DSCAML1: variants seen among roughly 807,000 people sequenced by gnomAD.
The protein encoded by DSCAML1 is cell adhesion molecule DSCAML1.
Under a neutral mutation model 200.5 loss-of-function variants are expected in DSCAML1, and 38 were observed. That is an observed-to-expected ratio of 0.19 (90% CI 0.15 to 0.25). The LOEUF (loss-of-function observed/expected upper bound fraction) is 0.25, where lower values mean the gene tolerates loss of function less well. Ranked by LOEUF, DSCAML1 falls within the 10% of genes least tolerant of loss-of-function variation. The pLI is 1.00. For missense variants in DSCAML1, 2,223 were observed against 2,858.8 expected (o/e 0.78, Z 5.07); for synonymous variants, 1,215 against 1,165.0 (o/e 1.04, Z -0.87).
chr11:117,463,953 G>C lies in DSCAML1; in HGVS notation c.3265+989C>G, dbSNP rs553749543. ...ATTGGTATGAGCGAATCTACTTTCA[G>C]GTGTTTCTGACCTAATGTGTCCACC... On this transcript the variant is annotated intron_variant, in intron 17 of 32. Coordinates refer to ENST00000651296, the MANE Select transcript of DSCAML1 (RefSeq NM_020693.4). This position sits in a 1 kb window ranked among gnomAD's most constrained non-coding sequence, Gnocchi z 4.0. 2.0e-5 allele frequency among the ~76,000 whole-genome samples: 3 copies of C among 152,316 alleles called. No homozygotes were observed. In the South Asian group the frequency reaches 6.2e-4, roughly 32 times the overall value.
intron 3 of DSCAML1, among the ~76,000 whole-genome samples, chr11:117,738,541 G>A (rs757095575): frequency 5.3e-5 from 8 of 152,156 alleles, no homozygotes; most frequent in Non-Finnish European, 1.2e-4. Context: ...CAGACTGCTT[G>A]TGTGTCCATA....
chr11:117,751,793 C>T (rs1386032090), intron 3 of DSCAML1, among the ~76,000 whole-genome samples: 1 of 152,118 alleles, frequency 6.6e-6, no homozygotes, highest in African/African-American at 2.4e-5. Context: ...CAGATATTGA[C>T]CCAGGGCCTT....
chr11:117,629,902 A>G (rs1293637199), intron 3 of DSCAML1, among the ~76,000 whole-genome samples: 1 of 152,190 alleles, frequency 6.6e-6, no homozygotes, highest in African/African-American at 2.4e-5. Flanking sequence ...CAGGAGACTG[A>G]GGCAGGAGTT....
intron 11 of DSCAML1, among the ~76,000 whole-genome samples, chr11:117,497,047 A>G (rs924585232): frequency 6.6e-6 from 1 of 152,204 alleles, no homozygotes; most frequent in South Asian, 2.1e-4. Context: ...CTGAAGCACA[A>G]AAGCCTACAG....
chr11:117,673,430 C>G (rs1243137598), intron 3 of DSCAML1, among the ~76,000 whole-genome samples: 4 of 152,180 alleles, frequency 2.6e-5, no homozygotes, highest in African/African-American at 9.7e-5. Context: ...TTCTTCCCAT[C>G]ATGCTTGAGA....
At chr11:117,596,693 A>G (rs2051367600) in intron 3 of DSCAML1, among the ~76,000 whole-genome samples, 1 of 152,220 alleles carries the variant, frequency 6.6e-6, no homozygotes, top group Non-Finnish European at 1.5e-5. Flanking sequence ...ACAGGGAAAA[A>G]GTAGTGAAAA....
chr11:117,477,705 G>A (rs2048826753), intron 14 of DSCAML1, among the ~76,000 whole-genome samples: 1 of 152,162 alleles, frequency 6.6e-6, no homozygotes, highest in Non-Finnish European at 1.5e-5. Flanking sequence ...ATCCCATGAG[G>A]TAGGCATCAC....
intron 3 of DSCAML1, among the ~76,000 whole-genome samples, chr11:117,592,926 C>T (rs900719005): frequency 2.0e-5 from 3 of 152,266 alleles, no homozygotes; most frequent in African/African-American, 7.2e-5. Flanking sequence ...GGTGTGAACC[C>T]CAACACCACT....
At chr11:117,745,141 C>T (rs1198441566) in intron 3 of DSCAML1, among the ~76,000 whole-genome samples, 2 of 140,140 alleles carry the variant, frequency 1.4e-5, no homozygotes, top group Non-Finnish European at 3.0e-5. Flanking sequence ...TGACAGGCCT[C>T]AGGAGGGTGG....
At chr11:117,751,440 C>T (rs1388452481) in intron 3 of DSCAML1, among the ~76,000 whole-genome samples, 10 of 150,210 alleles carry the variant, frequency 6.7e-5, no homozygotes, top group African/African-American at 2.0e-4. Flanking sequence ...ATAAAATTCA[C>T]GCCAAGTCTC....
chr11:117,469,786 G>C lies in DSCAML1; in HGVS notation c.3024+124C>G. On this transcript the variant is annotated intron_variant, in intron 16 of 32. Transcript: ENST00000651296. This position sits in a 1 kb window ranked among gnomAD's most constrained non-coding sequence, Gnocchi z 4.1. ...TCTCTCAAATCTCACTAGGTTTAGTGACAAAACAGACATGGGCATCATATA... is the reference window on the plus strand; with the variant it reads ...TCTCTCAAATCTCACTAGGTTTAGTCACAAAACAGACATGGGCATCATATA... The C allele has an allele frequency of 2.4e-6, 2 of 849,162 alleles. No individual in the cohort carries two copies. Among genetic ancestry groups the C allele is most frequent in the Non-Finnish European group, 3.4e-6 (2 of 591,016 alleles). The allele number at this position is 849,162 out of a possible 1,614,324, so 52.6% of individuals were successfully genotyped here.
chr11:117,692,594 G>A (rs1478101521), intron 3 of DSCAML1, among the ~76,000 whole-genome samples: 3 of 152,140 alleles, frequency 2.0e-5, no homozygotes, highest in African/African-American at 7.2e-5. Context: ...AGTCATAGCC[G>A]CTATGGTTCT....
intron 14 of DSCAML1, among the ~76,000 whole-genome samples, chr11:117,475,638 T>G (rs1360268954): frequency 6.6e-6 from 1 of 152,230 alleles, no homozygotes; most frequent in Non-Finnish European, 1.5e-5. Context: ...CTGTTGATTT[T>G]AAACCAGAGC....
intron 26 of DSCAML1, 141 bp from the exon 27 acceptor site, chr11:117,435,940 T>A (rs2047906101): frequency 1.1e-6 from 1 of 872,272 alleles, no homozygotes; most frequent in Non-Finnish European, 1.6e-6. Context: ...AACCCTGGAC[T>A]TCCCCTCTGC....
chr11:117,747,905 G>A (rs2054543617), intron 3 of DSCAML1, among the ~76,000 whole-genome samples: 1 of 152,140 alleles, frequency 6.6e-6, no homozygotes, highest in Non-Finnish European at 1.5e-5. Flanking sequence ...AAGCTAGGAT[G>A]ACTTTACCAG....
intron 3 of DSCAML1, among the ~76,000 whole-genome samples, chr11:117,746,960 C>A (rs897851969): frequency 1.3e-5 from 2 of 152,194 alleles, no homozygotes; most frequent in African/African-American, 4.8e-5. Context: ...TATGGGTCAG[C>A]GAGATTTGTC....
At chr11:117,619,540 A>C (rs1252607514) in intron 3 of DSCAML1, among the ~76,000 whole-genome samples, 1 of 152,230 alleles carries the variant, frequency 6.6e-6, no homozygotes, top group African/African-American at 2.4e-5. Context: ...AAATATGTTT[A>C]ATCTCTTTTT....
intron 18 of DSCAML1, 42 bp from the exon 19 acceptor site, chr11:117,458,951 G>T (rs199689298): frequency 1.9e-6 from 3 of 1,596,916 alleles, no homozygotes; most frequent in Non-Finnish European, 2.6e-6. Flanking sequence ...GCTCCATCGG[G>T]CTGTGGCCCC....
chr11:117,493,802 A>T (rs779097517), intron 11 of DSCAML1, among the ~76,000 whole-genome samples: 11 of 151,682 alleles, frequency 7.3e-5, no homozygotes, highest in Non-Finnish European at 1.2e-4. Context: ...TAATTTTTGT[A>T]TTTTTTGTAG....
Sources: gnomAD v4.1 joint callset for allele counts (sites outside exome capture counted in the v4.1 genomes callset) on GRCh38, gnomAD v4.1.1 for gene constraint, Gnocchi (gnomAD v3.1) non-coding constraint, MANE v1.5 for transcripts, NCBI Gene and HGNC (gene_info 2026-07-23, HGNC 2026-07-21) for gene names.